GALNT18: variants seen among roughly 807,000 people sequenced by gnomAD.
The protein encoded by GALNT18 is polypeptide N-acetylgalactosaminyltransferase 18, also known as GalNAc-transferase 18.
In GALNT18, 44 loss-of-function variants were observed where a neutral mutation model predicts 69.5. That is an observed-to-expected ratio of 0.63 (90% CI 0.50 to 0.81). GALNT18 has a LOEUF of 0.81. Among genes scored for constraint, GALNT18 ranks in the 40% least tolerant of loss-of-function variants. The pLI is 0.00. For missense variants in GALNT18, 715 were observed against 810.0 expected (o/e 0.88, Z 1.42); for synonymous variants, 364 against 318.2 (o/e 1.14, Z -1.53).
rs1382448584 is a variant in GALNT18 at position 11,573,203 on chromosome 11, C to A, written c.235+48156G>T. Among the ~76,000 whole-genome samples the A allele has an allele frequency of 2.0e-5, 3 of 152,168 alleles. No homozygotes were observed. Among genetic ancestry groups the A allele is most frequent in the Admixed American group, 2.0e-4 (3 of 15,276 alleles). ...GCATGTTCATGTTCATTATGGTGGG[C>A]GGCCTTGACTCATACTTGACATGGA... On this transcript the variant is annotated intron_variant, in intron 1 of 10. Coordinates refer to ENST00000227756, the MANE Select transcript of GALNT18 (RefSeq NM_198516.3). This position sits in a 1 kb window ranked among gnomAD's most constrained non-coding sequence, Gnocchi z 4.6.
chr11:11,489,428 G>T (rs993286177), intron 1 of GALNT18, among the ~76,000 whole-genome samples: 2 of 152,152 alleles, frequency 1.3e-5, no homozygotes, highest in Non-Finnish European at 2.9e-5. Flanking sequence ...GTGTGAGCAG[G>T]AGCAGTGAGG....
chr11:11,436,158 G>T lies in GALNT18; in HGVS notation c.429-3371C>A, dbSNP rs955197513. On this transcript the variant is annotated intron_variant, in intron 2 of 10. Coordinates refer to ENST00000227756, the MANE Select transcript of GALNT18 (RefSeq NM_198516.3). This position sits in a 1 kb window ranked among gnomAD's most constrained non-coding sequence, Gnocchi z 4.5. The stretch of plus-strand genomic sequence containing the variant: ...TGGGAAAGCGTTTGAAGGGGATGAA[G>T]TCACCCAGGTGCTGTTCCCAGTTCT... Among the ~76,000 whole-genome samples, 1 of 152,226 alleles carries T rather than the reference G, an allele frequency of 6.6e-6. No individual in the cohort carries two copies. Among genetic ancestry groups the T allele is most frequent in the Non-Finnish European group, 1.5e-5 (1 of 68,042 alleles).
In GALNT18 at chr11:11,337,466, G is replaced by C. The variant is rs143510107; in HGVS notation, c.1278+3353C>G. On this transcript the variant is annotated intron_variant, in intron 7 of 10. Coordinates refer to ENST00000227756, the MANE Select transcript of GALNT18 (RefSeq NM_198516.3). The surrounding 1 kb of genome is among the most constrained non-coding windows in gnomAD (Gnocchi z 4.9). ...CCAAACCAGTTAAGTGGTAATCTGT[G>C]GGGGTGGAACCCAACTGATTTTGAA... Among the ~76,000 whole-genome samples, 2 of 152,270 alleles carry C rather than the reference G, an allele frequency of 1.3e-5. No homozygotes were observed. The highest frequency in any genetic ancestry group is 2.4e-5 in the African/African-American group (1 of 41,560).
rs1342964294 is a variant in GALNT18 at position 11,327,333 on chromosome 11, G to A, written c.1417-152C>T. On this transcript the variant is annotated intron_variant, in intron 8 of 10. Transcript: ENST00000227756. ...AACACTATAGAACCAACAAGCACCA[G>A]CTTTTGCCTTGCGTAAAGGTGCTGA... is the stretch of plus-strand genomic sequence containing the variant. 23 of 631,200 alleles carry A rather than the reference G, an allele frequency of 3.6e-5. No homozygotes were observed. In the South Asian group the frequency reaches 3.6e-4, roughly 10 times the overall value. The allele number at this position is 631,200 out of a possible 1,614,324, so 39.1% of individuals were successfully genotyped here.
At chr11:11,411,770 G>C (rs977599788) in intron 3 of GALNT18, among the ~76,000 whole-genome samples, 4 of 152,248 alleles carry the variant, frequency 2.6e-5, no homozygotes, top group African/African-American at 9.6e-5. Flanking sequence ...AGGGAAGCAA[G>C]TCAGGGCAGG....
Position 11,584,961 on chromosome 11 carries a change from C to T in GALNT18, c.235+36398G>A, listed in dbSNP as rs966522872. 2.0e-5 allele frequency among the ~76,000 whole-genome samples: 3 copies of T among 152,172 alleles called. No individual in the cohort carries two copies. Among genetic ancestry groups the T allele is most frequent in the Non-Finnish European group, 2.9e-5 (2 of 68,048 alleles). On this transcript the variant is annotated intron_variant, in intron 1 of 10. Transcript: ENST00000227756. This position sits in a 1 kb window ranked among gnomAD's most constrained non-coding sequence, Gnocchi z 4.1. ...ATAATTATGGAAAACTTGCCTCCAC[C>T]ACTATGAGCTTGACGGCTTCCCAAC...
chr11:11,487,291 G>T (rs1230747900), intron 1 of GALNT18, among the ~76,000 whole-genome samples: 1 of 152,202 alleles, frequency 6.6e-6, no homozygotes, highest in African/African-American at 2.4e-5. Flanking sequence ...AAGGATGAAA[G>T]ACTACAAATT....
chr11:11,525,765 G>C (rs1030864523), intron 1 of GALNT18, among the ~76,000 whole-genome samples: 5 of 151,154 alleles, frequency 3.3e-5, no homozygotes, highest in African/African-American at 1.2e-4. Context: ...CTCCCGAGTA[G>C]CTGGGATTAC....
chr11:11,539,684 G>A (rs1857867585), intron 1 of GALNT18, among the ~76,000 whole-genome samples: 2 of 152,170 alleles, frequency 1.3e-5, no homozygotes, highest in African/African-American at 4.8e-5. Context: ...CTTCTCACCT[G>A]CAAGCTAATG....
chr11:11,336,158 C>T (rs1850110099), intron 7 of GALNT18, among the ~76,000 whole-genome samples: 1 of 152,178 alleles, frequency 6.6e-6, no homozygotes, highest in Non-Finnish European at 1.5e-5. Flanking sequence ...CAGTCTAGAG[C>T]TCCTGAACCC....
At chr11:11,575,383 C>T (rs1419956521) in intron 1 of GALNT18, among the ~76,000 whole-genome samples, 1 of 152,196 alleles carries the variant, frequency 6.6e-6, no homozygotes, top group African/African-American at 2.4e-5. Context: ...CAGCTGTAGG[C>T]CCACTAAAGC....
chr11:11,467,800 T>G (rs11021862), intron 1 of GALNT18, among the ~76,000 whole-genome samples: 8,556 of 152,302 alleles, frequency 0.056, 377 homozygotes, highest in South Asian at 0.16. Context: ...TTTCATTGTT[T>G]TCTCAACTCT....
chr11:11,465,103 G>T lies in GALNT18; in HGVS notation c.236-16167C>A, dbSNP rs1055242898. Among the ~76,000 whole-genome samples the T allele has an allele frequency of 6.6e-6, 1 of 152,124 alleles. No homozygotes were observed. The highest frequency in any genetic ancestry group is 2.1e-4 in the South Asian group (1 of 4,816). The stretch of plus-strand genomic sequence containing the variant: ...AAGGCAACTTCTCTATCCTCTCTAC[G>T]AGGACAGAGAGAATACAGATCCCAC... On this transcript the variant is annotated intron_variant, in intron 1 of 10. Transcript: ENST00000227756. This position sits in a 1 kb window ranked among gnomAD's most constrained non-coding sequence, Gnocchi z 5.7.
chr11:11,335,408 C>A (rs557655985), intron 7 of GALNT18, among the ~76,000 whole-genome samples: 1 of 152,282 alleles, frequency 6.6e-6, no homozygotes, highest in South Asian at 2.1e-4. Context: ...TTCATCAAAC[C>A]CATCTTCAAA....
At chr11:11,581,280 C>G (rs1352282227) in intron 1 of GALNT18, among the ~76,000 whole-genome samples, 4 of 152,202 alleles carry the variant, frequency 2.6e-5, no homozygotes, top group Non-Finnish European at 5.9e-5. Context: ...AGGCAGGCCT[C>G]ACAGAATCAC....
intron 1 of GALNT18, among the ~76,000 whole-genome samples, chr11:11,610,988 C>T (rs1253599788): frequency 6.6e-6 from 1 of 152,126 alleles, no homozygotes; most frequent in Non-Finnish European, 1.5e-5. Flanking sequence ...CCAGAAAACC[C>T]CTCTGCCTTG....
intron 10 of GALNT18, among the ~76,000 whole-genome samples, chr11:11,286,860 G>T (rs1290895966): frequency 6.6e-6 from 1 of 152,192 alleles, no homozygotes; most frequent in Non-Finnish European, 1.5e-5. Flanking sequence ...GGCTGGCCCA[G>T]TGAGAATTCT....
chr11:11,288,348 G>C (rs1413828640), intron 10 of GALNT18, among the ~76,000 whole-genome samples: 2 of 152,082 alleles, frequency 1.3e-5, no homozygotes, highest in African/African-American at 4.8e-5. Flanking sequence ...GCCTCTACTT[G>C]GGATGTTCTA....
At chr11:11,610,543 G>GT (rs1008341310) in intron 1 of GALNT18, among the ~76,000 whole-genome samples, 123 of 151,820 alleles carry the variant, frequency 8.1e-4, no homozygotes, top group African/African-American at 2.2e-3. Context: ...TTCCTCACTG[G>GT]TTTTTTTTCC....
Sources: allele counts gnomAD v4.1 joint callset (sites outside exome capture counted in the v4.1 genomes callset), GRCh38; gene constraint gnomAD v4.1.1; non-coding constraint Gnocchi (gnomAD v3.1); transcripts MANE v1.5; gene names NCBI Gene and HGNC (gene_info 2026-07-23, HGNC 2026-07-21).